SLC4A4: variants seen among roughly 807,000 people sequenced by gnomAD.
SLC4A4 encodes the protein electrogenic sodium bicarbonate cotransporter 1.
In SLC4A4, 27 loss-of-function variants were observed where a neutral mutation model predicts 111.5. The observed-to-expected ratio is 0.24, with a 90% confidence interval of 0.18 to 0.33. The LOEUF is 0.33. Among genes scored for constraint, SLC4A4 ranks in the 10% least tolerant of loss-of-function variants. SLC4A4 has a pLI of 1.00. For missense variants in SLC4A4, 909 were observed against 1,315.5 expected (o/e 0.69, Z 4.78); for synonymous variants, 443 against 463.4 (o/e 0.96, Z 0.57).
chr4:71,233,090 T>C (rs1434391339), intron 1 of SLC4A4, among the ~76,000 whole-genome samples: 2 of 152,272 alleles, frequency 1.3e-5, no homozygotes, highest in African/African-American at 4.8e-5. Flanking sequence ...GGATGGGTTC[T>C]TGTCTTTTGA....
intron 2 of SLC4A4, among the ~76,000 whole-genome samples, chr4:71,120,047 A>AG (rs1578497908): frequency 1.3e-5 from 2 of 152,044 alleles, no homozygotes; most frequent in East Asian, 3.9e-4. Context: ...AACATAGTGA[A>AG]TTTTTTTATC....
chr4:71,080,452 C>T (rs572422060), intron 1 of SLC4A4, among the ~76,000 whole-genome samples: 1 of 152,110 alleles, frequency 6.6e-6, no homozygotes, highest in East Asian at 1.9e-4. Flanking sequence ...TTCAATAAAC[C>T]AATTGGCTAA....
At chr4:71,365,053 C>T (rs1340245487) in intron 6 of SLC4A4, among the ~76,000 whole-genome samples, 6 of 152,018 alleles carry the variant, frequency 3.9e-5, no homozygotes, top group African/African-American at 1.5e-4. Flanking sequence ...ATCATTATGT[C>T]TAAGTAATGA....
intron 2 of SLC4A4, among the ~76,000 whole-genome samples, chr4:71,128,386 T>A (rs921258986): frequency 6.6e-6 from 1 of 152,052 alleles, no homozygotes. Flanking sequence ...GGTCCCCACA[T>A]GTGGGAATTA....
At chr4:71,155,940 G>A (rs986116028) in intron 2 of SLC4A4, among the ~76,000 whole-genome samples, 1 of 152,116 alleles carries the variant, frequency 6.6e-6, no homozygotes, top group African/African-American at 2.4e-5. Flanking sequence ...ATATATGTAC[G>A]CATAAACTTT....
chr4:71,340,711 C>T (rs1728841702), intron 4 of SLC4A4, among the ~76,000 whole-genome samples: 1 of 152,094 alleles, frequency 6.6e-6, no homozygotes, highest in African/African-American at 2.4e-5. Flanking sequence ...TGACAAGACA[C>T]TCGATTTCCT....
chr4:71,150,701 G>C (rs1287444391), intron 2 of SLC4A4, among the ~76,000 whole-genome samples: 1 of 152,182 alleles, frequency 6.6e-6, no homozygotes, highest in South Asian at 2.1e-4. Flanking sequence ...AATGGGAGAA[G>C]TGCAGGTGAG....
intron 14 of SLC4A4, among the ~76,000 whole-genome samples, chr4:71,481,442 A>T (rs1310147119): frequency 1.3e-5 from 2 of 151,640 alleles, no homozygotes; most frequent in Non-Finnish European, 3.0e-5. Context: ...AGTGCAACAG[A>T]TACTCCCCTA....
chr4:71,565,767 C>T (rs191917205), intron 24 of SLC4A4, among the ~76,000 whole-genome samples: 5 of 151,846 alleles, frequency 3.3e-5, no homozygotes, highest in Admixed American at 6.6e-5. Flanking sequence ...GGTATCCACC[C>T]CCTGAGGTTC....
At position 71,439,020 on chromosome 4, in the gene SLC4A4, AAG is replaced by A. The variant is rs1460691289; in HGVS notation, c.808-1594_808-1593del. On this transcript the variant is annotated intron_variant, in intron 7 of 25. Coordinates refer to ENST00000264485, the MANE Select transcript of SLC4A4 (RefSeq NM_001098484.3). ...TTCTATCTCAGAAAAAAAAAAAAGA[AAG>A]AAATCTATTTTATTCTCTCCTCCCC... 3.9e-5 allele frequency among the ~76,000 whole-genome samples: 6 copies of A among 152,118 alleles called. No homozygotes were observed. In the East Asian group the frequency reaches 1.2e-3, roughly 29 times the overall value.
chr4:71,367,132 A>G (rs1731407864), intron 6 of SLC4A4, among the ~76,000 whole-genome samples: 1 of 152,188 alleles, frequency 6.6e-6, no homozygotes, highest in Admixed American at 6.5e-5. Flanking sequence ...TTCCAGCTTT[A>G]GTTCCCAACA....
chr4:71,254,152 A>G (rs1721275065), intron 2 of SLC4A4, among the ~76,000 whole-genome samples: 2 of 152,210 alleles, frequency 1.3e-5, no homozygotes, highest in Admixed American at 1.3e-4. Context: ...GAAATGGGAA[A>G]TAAAACCCAT....
intron 2 of SLC4A4, among the ~76,000 whole-genome samples, chr4:71,100,119 C>T (rs1374766602): frequency 6.6e-6 from 1 of 152,134 alleles, no homozygotes; most frequent in African/African-American, 2.4e-5. Context: ...CAGCATTATC[C>T]TGATACCAAA....
chr4:71,469,283 G>T (rs1314916938), intron 13 of SLC4A4, among the ~76,000 whole-genome samples: 1 of 151,768 alleles, frequency 6.6e-6, no homozygotes, highest in Non-Finnish European at 1.5e-5. Flanking sequence ...ATTATCATTT[G>T]GTCATTCAGT....
chr4:71,188,183 G>A (rs1018851853), intron 1 of SLC4A4, among the ~76,000 whole-genome samples: 2 of 152,176 alleles, frequency 1.3e-5, no homozygotes, highest in African/African-American at 4.8e-5. Context: ...AACTACATCA[G>A]CAAACCGCAG....
intron 2 of SLC4A4, among the ~76,000 whole-genome samples, chr4:71,238,146 T>C (rs963342372): frequency 2.0e-5 from 3 of 152,146 alleles, no homozygotes; most frequent in African/African-American, 4.8e-5. Flanking sequence ...TTTAAGACAA[T>C]TGAAGTAGAA....
intron 1 of SLC4A4, among the ~76,000 whole-genome samples, chr4:71,090,901 G>A (rs1405642858): frequency 6.6e-6 from 1 of 152,186 alleles, no homozygotes; most frequent in East Asian, 1.9e-4. Context: ...AATACAAGGA[G>A]AATTCACACA....
intron 8 of SLC4A4, among the ~76,000 whole-genome samples, chr4:71,442,837 C>T (rs573577895): frequency 6.6e-5 from 10 of 151,866 alleles, no homozygotes; most frequent in East Asian, 1.9e-4. Context: ...ATTTCTTGTG[C>T]GGAGTTCACC....
chr4:71,119,589 A>G (rs2148955664), intron 2 of SLC4A4, among the ~76,000 whole-genome samples: 1 of 152,160 alleles, frequency 6.6e-6, no homozygotes, highest in South Asian at 2.1e-4. Context: ...GGATCTTGCT[A>G]TGTTATCCAG....
Sources: allele counts gnomAD v4.1 joint callset (sites outside exome capture counted in the v4.1 genomes callset), GRCh38; gene constraint gnomAD v4.1.1; transcripts MANE v1.5; gene names NCBI Gene and HGNC (gene_info 2026-07-23, HGNC 2026-07-21).